MAGI2: variants seen among roughly 807,000 people sequenced by gnomAD.
MAGI2 encodes membrane-associated guanylate kinase, WW and PDZ domain-containing protein 2.
Under a neutral mutation model 133.3 loss-of-function variants are expected in MAGI2, and 35 were observed. That is an observed-to-expected ratio of 0.26 (90% CI 0.20 to 0.35). MAGI2 has a LOEUF of 0.35. Ranked by LOEUF, MAGI2 falls within the 10% of genes least tolerant of loss-of-function variation. The probability of loss-of-function intolerance (pLI) is 1.00; values close to 1 mark genes in which losing one functional copy is unlikely to be tolerated. For missense variants in MAGI2, 1,636 were observed against 1,863.4 expected (o/e 0.88, Z 2.25); for synonymous variants, 729 against 710.6 (o/e 1.03, Z -0.41).
intron 10 of MAGI2, among the ~76,000 whole-genome samples, chr7:78,202,760 A>T (rs950779094): frequency 2.0e-5 from 3 of 151,594 alleles, no homozygotes; most frequent in African/African-American, 4.8e-5. Flanking sequence ...CTAGAGTTAC[A>T]CTTAATGTTT....
chr7:79,202,646 A>T (rs781395886), intron 1 of MAGI2, among the ~76,000 whole-genome samples: 21 of 152,024 alleles, frequency 1.4e-4, no homozygotes, highest in Non-Finnish European at 2.8e-4. Flanking sequence ...TGAACAAGGA[A>T]ACGTTTATTT....
intron 6 of MAGI2, among the ~76,000 whole-genome samples, chr7:78,442,661 G>T (rs1018652647): frequency 2.2e-4 from 33 of 152,216 alleles, no homozygotes; most frequent in African/African-American, 7.9e-4. Flanking sequence ...TCTCGGCTGT[G>T]ATTTTAATCC....
chr7:78,198,799 C>A (rs1467403529), intron 11 of MAGI2, among the ~76,000 whole-genome samples: 1 of 152,152 alleles, frequency 6.6e-6, no homozygotes, highest in African/African-American at 2.4e-5. Flanking sequence ...TTTAAATCAT[C>A]CCCCTCACTA....
intron 1 of MAGI2, among the ~76,000 whole-genome samples, chr7:79,278,214 G>T (rs527614225): frequency 5.3e-5 from 8 of 152,120 alleles, no homozygotes; most frequent in Non-Finnish European, 8.8e-5. Flanking sequence ...CCAGCTTCTT[G>T]CTTCTGTTCT....
intron 10 of MAGI2, among the ~76,000 whole-genome samples, chr7:78,230,504 C>T (rs34216879): frequency 0.31 from 46,818 of 151,966 alleles, 8,462 homozygotes; most frequent in Non-Finnish European, 0.4. Context: ...GAATAACTTT[C>T]GTCTTACACA....
chr7:79,027,942 G>C (rs1810064406), intron 1 of MAGI2, among the ~76,000 whole-genome samples: 2 of 151,864 alleles, frequency 1.3e-5, no homozygotes, highest in Admixed American at 1.3e-4. Context: ...AGGACAGTAA[G>C]AAAAACATTA....
intron 2 of MAGI2, among the ~76,000 whole-genome samples, chr7:78,768,120 T>C (rs193228357): frequency 3.3e-5 from 5 of 152,342 alleles, no homozygotes; most frequent in Admixed American, 1.3e-4. Flanking sequence ...ATGAGTGCCA[T>C]CCATCTTCTC....
intron 2 of MAGI2, among the ~76,000 whole-genome samples, chr7:78,989,134 T>G (rs980276847): frequency 6.6e-6 from 1 of 152,060 alleles, no homozygotes; most frequent in African/African-American, 2.4e-5. Flanking sequence ...ACTAAACATC[T>G]AGATTAATTA....
At chr7:79,000,214 T>C (rs565830027) in intron 2 of MAGI2, 7 of 152,302 alleles carry the variant, frequency 4.6e-5, no homozygotes, top group African/African-American at 1.4e-4. Context: ...CCATTTTTGA[T>C]CATTTTTAAC....
chr7:79,299,806 C>T (rs758807248), intron 1 of MAGI2, among the ~76,000 whole-genome samples: 1 of 152,072 alleles, frequency 6.6e-6, no homozygotes, highest in Admixed American at 6.5e-5. Context: ...GGAGCAGATC[C>T]TCATGGCTTG....
Position 78,141,735 on chromosome 7 carries a change from T to C in MAGI2, c.2846-6529A>G, listed in dbSNP as rs898789032. On this transcript the variant is annotated intron_variant, in intron 16 of 21. Coordinates refer to ENST00000354212, the MANE Select transcript of MAGI2 (RefSeq NM_012301.4). ...CTCCCAGCACCCATGAGTCATTCTC[T>C]TGTGGTTGAACAGTTTAGCTACCCT... 5.9e-5 allele frequency among the ~76,000 whole-genome samples: 9 copies of C among 152,308 alleles called. No individual in the cohort carries two copies. In the East Asian group the frequency reaches 1.4e-3, roughly 23 times the overall value.
At chr7:78,624,205 A>G in intron 3 of MAGI2, among the ~76,000 whole-genome samples, 1 of 151,988 alleles carries the variant, frequency 6.6e-6, no homozygotes, top group East Asian at 1.9e-4. Context: ...AGTTCCTTGT[A>G]GACTCAATAT....
intron 13 of MAGI2, among the ~76,000 whole-genome samples, chr7:78,181,811 A>C (rs1159567057): frequency 6.6e-6 from 1 of 152,240 alleles, no homozygotes; most frequent in Non-Finnish European, 1.5e-5. Context: ...CATAATAAAG[A>C]AAAGCAGATT....
intron 2 of MAGI2, among the ~76,000 whole-genome samples, chr7:78,943,694 A>G (rs1801170958): frequency 6.6e-6 from 1 of 152,156 alleles, no homozygotes; most frequent in Non-Finnish European, 1.5e-5. Context: ...TTTCCTTTGC[A>G]TACTATAAAG....
chr7:78,585,930 A>G (rs1803351201), intron 3 of MAGI2, among the ~76,000 whole-genome samples: 1 of 152,180 alleles, frequency 6.6e-6, no homozygotes, highest in African/African-American at 2.4e-5. Flanking sequence ...GGGAAATCTG[A>G]ACCAGTAATC....
At chr7:78,124,449 T>C (rs181212592) in intron 20 of MAGI2, among the ~76,000 whole-genome samples, 1 of 152,316 alleles carries the variant, frequency 6.6e-6, no homozygotes, top group East Asian at 1.9e-4. Context: ...AAAGACATGA[T>C]GTGCATGCCT....
chr7:78,726,599 A>T (rs1820833117), intron 2 of MAGI2, among the ~76,000 whole-genome samples: 1 of 152,216 alleles, frequency 6.6e-6, no homozygotes, highest in African/African-American at 2.4e-5. Context: ...TGTTGGCATT[A>T]TCATCGTTGA....
intron 2 of MAGI2, among the ~76,000 whole-genome samples, chr7:78,879,753 T>TA (rs1300026395): frequency 6.6e-6 from 1 of 151,620 alleles, no homozygotes; most frequent in Non-Finnish European, 1.5e-5. Context: ...AACTCAGAAA[T>TA]AAAAAATAAA....
chr7:78,558,709 C>G (rs535340820), intron 3 of MAGI2, among the ~76,000 whole-genome samples: 1 of 152,212 alleles, frequency 6.6e-6, no homozygotes, highest in Admixed American at 6.5e-5. Context: ...ATGACATTCT[C>G]ACAAGTGTGA....
Sources: gnomAD v4.1 joint callset for allele counts (sites outside exome capture counted in the v4.1 genomes callset) on GRCh38, gnomAD v4.1.1 for gene constraint, MANE v1.5 for transcripts, NCBI Gene and HGNC (gene_info 2026-07-23, HGNC 2026-07-21) for gene names.